Variants in NEGR1 observed in about 807,000 individuals in gnomAD.
The protein encoded by NEGR1 is IgLON family member 4.
NEGR1 carries 10 observed loss-of-function variants against 40.9 expected under a neutral mutation model. The observed-to-expected ratio is 0.24, with a 90% CI of 0.15 to 0.42. The LOEUF (loss-of-function observed/expected upper bound fraction) is 0.42. Among genes scored for constraint, NEGR1 ranks in the 10% least tolerant of loss-of-function variants. NEGR1 has a pLI of 1.00. For synonymous variants in NEGR1, 185 were observed against 166.8 expected, an observed-to-expected ratio of 1.11 and a Z score of -0.84; for missense variants, 352 against 438.9, an observed-to-expected ratio of 0.80 and a Z score of 1.77.
chr1:71,552,195 C>G (rs1648106803), intron 6 of NEGR1, among the ~76,000 whole-genome samples: 1 of 151,568 alleles, frequency 6.6e-6, no homozygotes, highest in South Asian at 2.1e-4. Flanking sequence ...TATGTAATCA[C>G]TTGTTCTGCC....
At chr1:71,532,835 A>C (rs141480050) in intron 6 of NEGR1, among the ~76,000 whole-genome samples, 5 of 151,630 alleles carry the variant, frequency 3.3e-5, no homozygotes, top group African/African-American at 1.2e-4. Context: ...AAGTACCCAG[A>C]CATACTTTGA....
At chr1:72,266,135 GA>G (rs1557605300) in intron 1 of NEGR1, among the ~76,000 whole-genome samples, 1 of 150,748 alleles carries the variant, frequency 6.6e-6, no homozygotes, top group African/African-American at 2.4e-5. Context: ...TATATTTACA[GA>G]AAAGTGTGCC....
chr1:71,558,352 C>T (rs1648323216), intron 6 of NEGR1, among the ~76,000 whole-genome samples: 1 of 151,610 alleles, frequency 6.6e-6, no homozygotes, highest in Middle Eastern at 3.4e-3. Context: ...TACTGATATC[C>T]TATTTCTCTT....
chr1:71,991,855 G>A (rs1049035413), intron 1 of NEGR1, among the ~76,000 whole-genome samples: 1 of 152,086 alleles, frequency 6.6e-6, no homozygotes, highest in Non-Finnish European at 1.5e-5. Flanking sequence ...GCAGTGGCAC[G>A]ATCTCGACTC....
At chr1:72,017,871 A>G (rs1646725018) in intron 1 of NEGR1, among the ~76,000 whole-genome samples, 1 of 152,164 alleles carries the variant, frequency 6.6e-6, no homozygotes, top group Admixed American at 6.5e-5. Context: ...GCTATTCTTG[A>G]AGATGATATA....
At chr1:72,015,769 G>T (rs1238365624) in intron 1 of NEGR1, among the ~76,000 whole-genome samples, 2 of 152,192 alleles carry the variant, frequency 1.3e-5, no homozygotes, top group East Asian at 3.9e-4. Context: ...TAATGTAAAA[G>T]AGTCTTGGAA....
intron 1 of NEGR1, among the ~76,000 whole-genome samples, chr1:72,197,280 A>G (rs1387254900): frequency 1.3e-5 from 2 of 152,036 alleles, no homozygotes; most frequent in African/African-American, 4.8e-5. Flanking sequence ...GAGTATCGGA[A>G]CACTGCTTAG....
At chr1:72,074,931 T>C (rs1647656376) in intron 1 of NEGR1, among the ~76,000 whole-genome samples, 3 of 152,110 alleles carry the variant, frequency 2.0e-5, no homozygotes, top group Admixed American at 2.0e-4. Context: ...GGGAATCGTT[T>C]TCAGCATCTG....
chr1:71,800,622 G>A (rs1305800905), intron 2 of NEGR1, among the ~76,000 whole-genome samples: 1 of 151,952 alleles, frequency 6.6e-6, no homozygotes, highest in African/African-American at 2.4e-5. Context: ...AAAATTATTT[G>A]CTTTCTTTCC....
chr1:71,502,626 C>T (rs1373354457), intron 6 of NEGR1, among the ~76,000 whole-genome samples: 2 of 152,072 alleles, frequency 1.3e-5, no homozygotes, highest in Non-Finnish European at 2.9e-5. Context: ...CCCACTCTGT[C>T]TGGGCTTACT....
At chr1:71,876,554 G>A (rs1421982335) in intron 2 of NEGR1, among the ~76,000 whole-genome samples, 1 of 150,582 alleles carries the variant, frequency 6.6e-6, no homozygotes, top group Non-Finnish European at 1.5e-5. Flanking sequence ...AGAGAGAGAG[G>A]AGAAGGAAGG....
chr1:72,134,926 G>A (rs1238767598), intron 1 of NEGR1, among the ~76,000 whole-genome samples: 6 of 150,598 alleles, frequency 4.0e-5, no homozygotes, highest in Middle Eastern at 3.4e-3. Flanking sequence ...TAGTAGAGAC[G>A]GGGTTTCTCC....
intron 4 of NEGR1, among the ~76,000 whole-genome samples, chr1:71,688,331 TAGATAG>T (rs1557613738): frequency 5.8e-5 from 5 of 85,868 alleles, no homozygotes; most frequent in African/African-American, 1.7e-4. Flanking sequence ...TATATATAGA[TAGATAG>T]ATAGATAGAT....
intron 6 of NEGR1, among the ~76,000 whole-genome samples, chr1:71,455,823 T>C (rs963650042): frequency 1.3e-5 from 2 of 152,224 alleles, no homozygotes; most frequent in Non-Finnish European, 2.9e-5. Context: ...TTTATCACTG[T>C]CTAATTATAT....
chr1:71,512,871 C>T (rs555230089), intron 6 of NEGR1, among the ~76,000 whole-genome samples: 7 of 152,214 alleles, frequency 4.6e-5, no homozygotes, highest in South Asian at 2.1e-4. Context: ...TGAGCCACCA[C>T]GCCTGGCCAT....
At chr1:71,840,024 T>A (rs1277331460) in intron 2 of NEGR1, among the ~76,000 whole-genome samples, 1 of 152,128 alleles carries the variant, frequency 6.6e-6, no homozygotes, top group Non-Finnish European at 1.5e-5. Flanking sequence ...CAAACAATAA[T>A]GTAATAAGGC....
At chr1:72,019,319 C>A (rs894264242) in intron 1 of NEGR1, among the ~76,000 whole-genome samples, 2 of 152,152 alleles carry the variant, frequency 1.3e-5, no homozygotes, top group Non-Finnish European at 2.9e-5. Context: ...ATGGACACAG[C>A]ATACAAGCAT....
intron 1 of NEGR1, among the ~76,000 whole-genome samples, chr1:72,150,240 A>G (rs144416390): frequency 6.6e-6 from 1 of 152,302 alleles, no homozygotes; most frequent in African/African-American, 2.4e-5. Context: ...CTTTCAAACT[A>G]CAAATATACT....
intron 6 of NEGR1, among the ~76,000 whole-genome samples, chr1:71,425,761 A>G (rs1251463634): frequency 6.6e-6 from 1 of 152,190 alleles, no homozygotes; most frequent in Non-Finnish European, 1.5e-5. Flanking sequence ...AATAATAAAT[A>G]CAGATGATAC....
Sources: gnomAD v4.1 joint callset for allele counts (sites outside exome capture counted in the v4.1 genomes callset) on GRCh38, gnomAD v4.1.1 for gene constraint, MANE v1.5 for transcripts, NCBI Gene and HGNC (gene_info 2026-07-23, HGNC 2026-07-21) for gene names.